Variants in SH3BGRL2 observed in about 807,000 individuals in gnomAD.
SH3BGRL2 encodes SH3 domain binding glutamate rich protein like 2.
A neutral mutation model predicts 14.8 loss-of-function variants in SH3BGRL2; 21 were observed. The ratio of observed to expected loss-of-function variants is 1.42; its 90% CI spans 1.01 to 2.05. The LOEUF (loss-of-function observed/expected upper bound fraction) is 2.05. Among genes scored for constraint, SH3BGRL2 ranks in the 30% most tolerant of loss-of-function variants. The probability of loss-of-function intolerance (pLI) is 0.00; values close to 1 mark genes in which losing one functional copy is unlikely to be tolerated. For synonymous variants in SH3BGRL2, 50 were observed against 47.8 expected (o/e 1.05, Z -0.19); for missense variants, 147 against 130.8 (o/e 1.12, Z -0.61).
At chr6:79,691,610 G>GT (rs1331139972) in intron 2 of SH3BGRL2, among the ~76,000 whole-genome samples, 2 of 149,746 alleles carry the variant, frequency 1.3e-5, no homozygotes, top group South Asian at 2.1e-4. Flanking sequence ...GCAGTGTTTG[G>GT]TTTTTTGTCC....
chr6:79,639,621 A>C (rs1037397363), intron 1 of SH3BGRL2, among the ~76,000 whole-genome samples: 5 of 152,102 alleles, frequency 3.3e-5, no homozygotes, highest in African/African-American at 9.7e-5. Flanking sequence ...ATCACCACCA[A>C]CAACAAAAAT....
intron 2 of SH3BGRL2, among the ~76,000 whole-genome samples, chr6:79,688,552 A>G (rs1353888596): frequency 1.3e-5 from 2 of 152,192 alleles, no homozygotes; most frequent in African/African-American, 2.4e-5. Context: ...TGTATTTACA[A>G]AACACTTTAG....
the SH3BGRL2 span, among the ~76,000 whole-genome samples, chr6:79,610,802 C>G: frequency 2.0e-5 from 3 of 152,216 alleles, no homozygotes; most frequent in African/African-American, 7.2e-5. Context: ...ATTGAACGTC[C>G]TGGCTGCACA....
Position 79,699,726 on chromosome 6 carries a change from T to G in SH3BGRL2, c.*217T>G, listed in dbSNP as rs1413958606. The G allele has an allele frequency of 1.8e-6, 1 of 555,838 alleles. No homozygotes were observed. The highest frequency in any genetic ancestry group is 2.8e-6 in the Non-Finnish European group (1 of 351,672). The allele number at this position is 555,838 out of a possible 1,614,324, so 34.4% of individuals were successfully genotyped here. On this transcript the variant is annotated 3_prime_UTR_variant, in exon 4 of 4. Transcript: ENST00000369838. ...GGTGGATTTTTTTTTTCTTATTCTA[T>G]TTGCCTGCAGTTGCCTCACTCACCT...
At chr6:79,602,528 A>C in the SH3BGRL2 span, among the ~76,000 whole-genome samples, 1 of 152,216 alleles carries the variant, frequency 6.6e-6, no homozygotes, top group Non-Finnish European at 1.5e-5. Context: ...AAATTGGAAT[A>C]TAGGCTCCAG....
the SH3BGRL2 span, among the ~76,000 whole-genome samples, chr6:79,587,179 AAT>A: frequency 6.6e-6 from 1 of 152,254 alleles, no homozygotes; most frequent in Non-Finnish European, 1.5e-5. Context: ...TCTGGCAGAA[AAT>A]TATAAAATCA....
Position 79,673,615 on chromosome 6 carries a change from TAAA to T in SH3BGRL2, c.48_50del (p.Ile16_Lys17delinsMet), listed in dbSNP as rs768391186. On this transcript the variant is annotated inframe_deletion and splice_region_variant, in exon 2 of 4. Transcript: ENST00000369838. ...TATTTGTTTGTCTTCTCTCTTTAGA[TAAA>T]GAAGAAGCAGCAAGATGTGGTTAGA... The T allele has an allele frequency of 6.2e-6, 10 of 1,613,620 alleles. No individual in the cohort carries two copies. In the East Asian group the frequency reaches 8.9e-5, roughly 14 times the overall value.
the SH3BGRL2 span, among the ~76,000 whole-genome samples, chr6:79,615,299 A>C: frequency 6.4e-3 from 975 of 152,304 alleles, 7 homozygotes; most frequent in Non-Finnish European, 0.011. Context: ...ATTACACCAT[A>C]AGTTTACAGC....
chr6:79,692,207 GT>G (rs1161459228), intron 2 of SH3BGRL2, among the ~76,000 whole-genome samples: 1 of 152,026 alleles, frequency 6.6e-6, no homozygotes, highest in Non-Finnish European at 1.5e-5. Context: ...GGGGTTGTTT[GT>G]TTTTTTCTTG....
intron 1 of SH3BGRL2, among the ~76,000 whole-genome samples, chr6:79,641,557 GT>G (rs1360835250): frequency 6.6e-6 from 1 of 152,154 alleles, no homozygotes; most frequent in Admixed American, 6.5e-5. Context: ...CCTTAGACAA[GT>G]AACCTTAGCC....
chr6:79,579,411 T>C, the SH3BGRL2 span, among the ~76,000 whole-genome samples: 1 of 152,280 alleles, frequency 6.6e-6, no homozygotes, highest in South Asian at 2.1e-4. Flanking sequence ...AAGGTTGAGT[T>C]ACCCACAAAG....
At chr6:79,553,473 A>G in the SH3BGRL2 span, among the ~76,000 whole-genome samples, 4 of 152,186 alleles carry the variant, frequency 2.6e-5, no homozygotes, top group African/African-American at 7.2e-5. Context: ...ACTTTAGTGT[A>G]CATTTTGGTT....
the SH3BGRL2 span, among the ~76,000 whole-genome samples, chr6:79,596,262 G>A: frequency 1.3e-5 from 2 of 152,192 alleles, no homozygotes; most frequent in Non-Finnish European, 2.9e-5. Flanking sequence ...GGGCTCAAAC[G>A]ATCCTCCCAC....
chr6:79,617,054 G>A, the SH3BGRL2 span, among the ~76,000 whole-genome samples: 5 of 151,866 alleles, frequency 3.3e-5, 1 homozygote, highest in South Asian at 4.2e-4. Flanking sequence ...GTGTGGTGGC[G>A]CATGTCTGTA....
chr6:79,671,285 G>C (rs769375822), intron 1 of SH3BGRL2, among the ~76,000 whole-genome samples: 48 of 152,220 alleles, frequency 3.2e-4, no homozygotes, highest in Non-Finnish European at 5.1e-4. Context: ...TGACCAACGT[G>C]GAGAAACCCC....
At chr6:79,597,542 G>T in the SH3BGRL2 span, among the ~76,000 whole-genome samples, 5 of 152,072 alleles carry the variant, frequency 3.3e-5, no homozygotes, top group Non-Finnish European at 5.9e-5. Context: ...TTCAAGAAAT[G>T]GTGCTGAGAC....
intron 1 of SH3BGRL2, among the ~76,000 whole-genome samples, chr6:79,672,965 G>A (rs1048270262): frequency 6.6e-6 from 1 of 152,188 alleles, no homozygotes; most frequent in Non-Finnish European, 1.5e-5. Context: ...ATGAAAGGAT[G>A]CTTTCATGGT....
the SH3BGRL2 span, among the ~76,000 whole-genome samples, chr6:79,622,063 T>C: frequency 6.6e-6 from 1 of 152,080 alleles, no homozygotes; most frequent in African/African-American, 2.4e-5. Context: ...GTTAGACTGA[T>C]GTAATAAACC....
chr6:79,577,016 A>G, the SH3BGRL2 span, among the ~76,000 whole-genome samples: 1 of 152,174 alleles, frequency 6.6e-6, no homozygotes, highest in Non-Finnish European at 1.5e-5. Context: ...TCCATTTTAG[A>G]GTTACTTTTT....
Sources: gnomAD v4.1 joint callset for allele counts (sites outside exome capture counted in the v4.1 genomes callset) on GRCh38, gnomAD v4.1.1 for gene constraint, MANE v1.5 for transcripts, NCBI Gene and HGNC (gene_info 2026-07-23, HGNC 2026-07-21) for gene names.